The following UBQLN4 variants were observed in gnomAD, a reference collection of about 807,000 sequenced individuals.
UBQLN4 encodes ubiquilin 4, also known as ubiquilin-4.
In UBQLN4, 11 loss-of-function variants were observed where a neutral mutation model predicts 60.4. The ratio of observed to expected loss-of-function variants is 0.18; its 90% CI spans 0.11 to 0.30. The LOEUF (loss-of-function observed/expected upper bound fraction) is 0.30, where lower values mean the gene tolerates loss of function less well. Among genes scored for constraint, UBQLN4 ranks in the 10% least tolerant of loss-of-function variants. The pLI, the probability that UBQLN4 is intolerant of heterozygous loss-of-function variation, is 1.00. For synonymous variants in UBQLN4, 258 were observed against 313.1 expected (o/e 0.82, Z 1.86); for missense variants, 417 against 795.5 (o/e 0.52, Z 5.72).
At position 156,048,742 on chromosome 1, in the gene UBQLN4, G is replaced by T. The variant is rs932048164; in HGVS notation, c.742-83C>A. On this transcript the variant is annotated intron_variant, in intron 4 of 10. Coordinates refer to ENST00000368309, the MANE Select transcript of UBQLN4 (RefSeq NM_020131.5). The surrounding 1 kb of genome is among the most constrained non-coding windows in gnomAD (Gnocchi z 4.9). ...AAAGGGTGGGCCTTGAGGAAGGGGG[G>T]TCTGTATCAGGATCAGGACCAGGGC... The T allele has an allele frequency of 5.4e-6, 8 of 1,482,106 alleles. No individual in the cohort carries two copies. In the African/African-American group the frequency reaches 5.5e-5, roughly 10 times the overall value. The allele number at this position is 1,482,106 out of a possible 1,614,324, so 91.8% of individuals were successfully genotyped here. A position where few individuals can be genotyped will look rare whatever the true frequency, so the allele number is the denominator to read the frequency against.
chr1:156,047,654 T>G (rs550212035), intron 5 of UBQLN4, among the ~76,000 whole-genome samples: 125 of 151,024 alleles, frequency 8.3e-4, no homozygotes, highest in Middle Eastern at 3.5e-3. Flanking sequence ...TCAGCACTTT[T>G]GGAGGCCAAG....
chr1:156,046,820 C>T (rs1261964495), intron 5 of UBQLN4, among the ~76,000 whole-genome samples: 10 of 151,986 alleles, frequency 6.6e-5, no homozygotes, highest in African/African-American at 1.2e-4. Context: ...CCAGCCTGGG[C>T]GAAACAGTGA....
intron 1 of UBQLN4, among the ~76,000 whole-genome samples, chr1:156,052,108 A>G (rs1447193771): frequency 6.6e-6 from 1 of 152,098 alleles, no homozygotes; most frequent in Non-Finnish European, 1.5e-5. Context: ...CCCTGCTGCT[A>G]TCTGCCTCCC....
At chr1:156,041,787 A>G in intron 9 of UBQLN4, 85 bp downstream of exon 9, 1 of 1,468,012 alleles carries the variant, frequency 6.8e-7, no homozygotes, top group Admixed American at 2.6e-5. Flanking sequence ...CAGAGACACA[A>G]AGGATGCTGA....
intron 5 of UBQLN4, 145 bp from the exon 6 acceptor site, chr1:156,044,368 T>C: frequency 1.4e-6 from 1 of 725,814 alleles, no homozygotes; most frequent in Non-Finnish European, 2.3e-6. Context: ...AGTTCAGTTC[T>C]TTGCCCCACA....
At chr1:156,047,490 A>G (rs1233128286) in intron 5 of UBQLN4, among the ~76,000 whole-genome samples, 12 of 150,818 alleles carry the variant, frequency 8.0e-5, no homozygotes, top group East Asian at 3.9e-4. Context: ...TGATCCGCCC[A>G]CCTCAGCCTC....
chr1:156,040,863 A>G (rs1254268502), intron 10 of UBQLN4, among the ~76,000 whole-genome samples: 2 of 152,236 alleles, frequency 1.3e-5, no homozygotes, highest in Admixed American at 6.5e-5. Flanking sequence ...TGGCTTTTCC[A>G]GATGAGTCAC....
chr1:156,042,644 G>T, intron 7 of UBQLN4, 130 bp downstream of exon 7: 1 of 1,377,656 alleles, frequency 7.3e-7, no homozygotes, highest in Non-Finnish European at 9.7e-7. Context: ...AACTCACACA[G>T]CTGGGAAGCA....
chr1:156,033,792 C>T (rs1019402968), downstream of UBQLN4, among the ~76,000 whole-genome samples: 1 of 149,890 alleles, frequency 6.7e-6, no homozygotes, highest in Non-Finnish European at 1.5e-5. Context: ...TGCAGTGAGC[C>T]GAGATTGCAT....
intron 10 of UBQLN4, among the ~76,000 whole-genome samples, chr1:156,037,649 C>A (rs370648733): frequency 6.6e-6 from 1 of 150,540 alleles, no homozygotes; most frequent in Non-Finnish European, 1.5e-5. Flanking sequence ...ATATGGCAGG[C>A]GGATATCTTT....
downstream of UBQLN4, among the ~76,000 whole-genome samples, chr1:156,031,974 A>G (rs200953730): frequency 6.7e-6 from 1 of 148,526 alleles, no homozygotes; most frequent in Non-Finnish European, 1.5e-5. Context: ...AAACGTATCC[A>G]TCAAATATGA....
chr1:156,050,687 C>T lies in UBQLN4; in HGVS notation c.479-134G>A, dbSNP rs929659362. On this transcript the variant is annotated intron_variant, in intron 3 of 10. Coordinates refer to ENST00000368309, the MANE Select transcript of UBQLN4 (RefSeq NM_020131.5). The surrounding 1 kb of genome is among the most constrained non-coding windows in gnomAD (Gnocchi z 4.6). ...CCCTCTTCCTGTCATTCCCACAGCC[C>T]GGCCCTGATCCACTGCTGGCAAAAA... 1.0e-5 allele frequency: 14 copies of T among 1,350,408 alleles called. No homozygotes were observed. The highest frequency in any genetic ancestry group is 8.6e-5 in the Admixed American group (3 of 34,952). The allele number at this position is 1,350,408 out of a possible 1,614,324, so 83.7% of individuals were successfully genotyped here.
chr1:156,041,850 C>T, intron 9 of UBQLN4, 22 bp downstream of exon 9: 3 of 1,583,494 alleles, frequency 1.9e-6, no homozygotes, highest in Non-Finnish European at 2.6e-6. Context: ...ACCTTGCTGC[C>T]CTCCTGCCCC....
intron 1 of UBQLN4, 29 bp downstream of exon 1, chr1:156,053,565 C>T (rs1178091364): frequency 1.8e-6 from 2 of 1,103,856 alleles, no homozygotes; most frequent in Non-Finnish European, 2.3e-6. Context: ...CTCCTCCGCG[C>T]TCCCCCCGCC....
In UBQLN4 at chr1:156,036,962, G is replaced by C; in HGVS notation, c.*16C>G. On this transcript the variant is annotated 3_prime_UTR_variant, in exon 11 of 11. Transcript: ENST00000368309. ...ACATCGAGGGAGGGGAGAGGCAGGA[G>C]GCATGGGCCGAGGGATTAGGAGAGC... 5.6e-6 allele frequency: 9 copies of C among 1,612,210 alleles called. No individual in the cohort carries two copies. The highest frequency in any genetic ancestry group is 7.6e-6 in the Non-Finnish European group (9 of 1,179,084).
At chr1:156,045,482 T>C (rs544691482) in intron 5 of UBQLN4, among the ~76,000 whole-genome samples, 1 of 152,374 alleles carries the variant, frequency 6.6e-6, no homozygotes, top group African/African-American at 2.4e-5. Context: ...AACCATCATT[T>C]ATTGAGCACC....
chr1:156,047,317 C>T (rs1305638423), intron 5 of UBQLN4, among the ~76,000 whole-genome samples: 1 of 149,140 alleles, frequency 6.7e-6, no homozygotes, highest in Non-Finnish European at 1.5e-5. Flanking sequence ...GATCTTGGCT[C>T]ACTGCAACCT....
chr1:156,050,990 T>C lies in UBQLN4; in HGVS notation c.478+120A>G, dbSNP rs2102756262. 2.1e-6 allele frequency: 2 copies of C among 953,996 alleles called. No homozygotes were observed. Among genetic ancestry groups the C allele is most frequent in the South Asian group, 3.2e-5 (2 of 63,172 alleles). The allele number at this position is 953,996 out of a possible 1,614,324, so 59.1% of individuals were successfully genotyped here. ...ACTCAAGTATCAATGTCTGGAACTCTGTCATGGGGTCCCCTATCCCCATCA... is the reference window on the plus strand; with the variant it reads ...ACTCAAGTATCAATGTCTGGAACTCCGTCATGGGGTCCCCTATCCCCATCA... On this transcript the variant is annotated intron_variant, in intron 3 of 10. Coordinates refer to ENST00000368309, the MANE Select transcript of UBQLN4 (RefSeq NM_020131.5). The surrounding 1 kb of genome is among the most constrained non-coding windows in gnomAD (Gnocchi z 4.6).
chr1:156,043,913 C>A, intron 6 of UBQLN4, 85 bp downstream of exon 6: 1 of 1,418,700 alleles, frequency 7.0e-7, no homozygotes, highest in Non-Finnish European at 9.8e-7. Context: ...CTTCAAAATC[C>A]TGGAGCAGTA....
Sources: gnomAD v4.1 joint callset for allele counts (sites outside exome capture counted in the v4.1 genomes callset) on GRCh38, gnomAD v4.1.1 for gene constraint, Gnocchi (gnomAD v3.1) non-coding constraint, MANE v1.5 for transcripts, NCBI Gene and HGNC (gene_info 2026-07-23, HGNC 2026-07-21) for gene names.